REXO1: variants seen among roughly 807,000 people sequenced by gnomAD.
The protein encoded by REXO1 is RNA exonuclease 1 homolog, also known as REX1, RNA exonuclease 1 homolog.
In REXO1, 42 loss-of-function variants were observed where a neutral mutation model predicts 102.6. The observed-to-expected ratio is 0.41, with a 90% CI of 0.32 to 0.53. REXO1 has a LOEUF of 0.53. Among genes scored for constraint, REXO1 ranks in the 20% least tolerant of loss-of-function variants. The pLI is 0.27. For synonymous variants in REXO1, 908 were observed against 779.1 expected, an observed-to-expected ratio of 1.17 and a Z score of -2.76; for missense variants, 1,819 against 1,732.5, an observed-to-expected ratio of 1.05 and a Z score of -0.89.
At chr19:1,846,648 G>A (rs548931676) in intron 1 of REXO1, among the ~76,000 whole-genome samples, 4 of 152,324 alleles carry the variant, frequency 2.6e-5, no homozygotes, top group East Asian at 1.9e-4. Context: ...CAGCACTTTG[G>A]GAGGCCGAAG....
Position 1,819,943 on chromosome 19 carries a change from C to G in REXO1, c.2641G>C (p.Gly881Arg). 6 of 1,581,352 alleles carry G rather than the reference C, an allele frequency of 3.8e-6. No individual in the cohort carries two copies. The highest frequency in any genetic ancestry group is 5.1e-6 in the Non-Finnish European group (6 of 1,166,818). Residue 881 changes from glycine to arginine, a missense_variant, in exon 7 of 16, where the codon GGC becomes CGC. Coordinates refer to ENST00000170168, the MANE Select transcript of REXO1 (RefSeq NM_020695.4). ...LRGLAPSAVP[G>R]LSKTSGRRVV... ...ACCCGCCAGGACTCACTGCTGAGGC[C>G]GGGCACAGCGCTGGGGGCCAGGCCC... is the stretch of plus-strand genomic sequence containing the variant.
intron 11 of REXO1, 32 bp downstream of exon 11, chr19:1,817,675 C>T: frequency 6.2e-7 from 1 of 1,601,284 alleles, no homozygotes. Flanking sequence ...CTGTTGAGAA[C>T]AGGCAGAGGG....
rs888970869 is a variant in REXO1 at position 1,819,360 on chromosome 19, C to T, written c.2651-229G>A. Among the ~76,000 whole-genome samples the T allele has an allele frequency of 5.9e-5, 9 of 152,244 alleles. No homozygotes were observed. In the East Asian group the frequency reaches 7.7e-4, roughly 13 times the overall value. ...CAGCTCTGCAGGCCCCAGAGCTGCA[C>T]GGAGGCCCCACACCCAAAGTCTTCG... On this transcript the variant is annotated intron_variant, in intron 7 of 15. Coordinates refer to ENST00000170168, the MANE Select transcript of REXO1 (RefSeq NM_020695.4).
Position 1,818,666 on chromosome 19 carries a change from C to T in REXO1, c.2902+40G>A, listed in dbSNP as rs548591842. 183 of 1,609,024 alleles carry T rather than the reference C, an allele frequency of 1.1e-4. 1 individual carries two copies. The South Asian group carries it at 1.3e-3, about 11-fold the overall frequency. Reference sequence around the variant, plus strand: ...CGCATGCCCGGCCTTGCCCACATCCCGCACCTGCCCACCTAGGCCGTCGCA... The same window carrying T: ...CGCATGCCCGGCCTTGCCCACATCCTGCACCTGCCCACCTAGGCCGTCGCA... On this transcript the variant is annotated intron_variant, in intron 9 of 15. Transcript: ENST00000170168.
intron 1 of REXO1, among the ~76,000 whole-genome samples, chr19:1,833,978 C>G (rs2069972865): frequency 6.6e-6 from 1 of 152,164 alleles, no homozygotes; most frequent in African/African-American, 2.4e-5. Flanking sequence ...CGGGAAGGCT[C>G]TCCTCCCCAG....
Position 1,826,080 on chromosome 19 carries a change from AAC to A in REXO1, c.1912-139_1912-138del. On this transcript the variant is annotated intron_variant, in intron 2 of 15. Coordinates refer to ENST00000170168, the MANE Select transcript of REXO1 (RefSeq NM_020695.4). The surrounding 1 kb of genome is among the most constrained non-coding windows in gnomAD (Gnocchi z 4.3). ...GCACAGCAGCTGAGGGCTCAGGGCC[AAC>A]AGTCCCTGGGCTTTGTGTGGGTGCA... The A allele has an allele frequency of 1.5e-6, 1 of 648,378 alleles. No individual in the cohort carries two copies. Among genetic ancestry groups the A allele is most frequent in the Non-Finnish European group, 2.8e-6 (1 of 355,488 alleles). The allele number at this position is 648,378 out of a possible 1,614,324, so 40.2% of individuals were successfully genotyped here.
At chr19:1,820,870 C>T (rs1468121309) in intron 5 of REXO1, among the ~76,000 whole-genome samples, 1 of 151,786 alleles carries the variant, frequency 6.6e-6, no homozygotes, top group East Asian at 1.9e-4. Flanking sequence ...GTGATGACAC[C>T]GGCTTGTGGT....
chr19:1,841,961 A>G (rs1028834963), intron 1 of REXO1, among the ~76,000 whole-genome samples: 4 of 152,152 alleles, frequency 2.6e-5, no homozygotes, highest in African/African-American at 4.8e-5. Context: ...TTGTAATCCC[A>G]GCACTTTGGG....
rs948070530 is a variant in REXO1, at chr19:1,815,874, C to A, written c.*192G>T. 7.5e-7 allele frequency: 1 copy of A among 1,329,168 alleles called. No individual in the cohort carries two copies. The highest frequency in any genetic ancestry group is 1.3e-5 in the South Asian group (1 of 75,614). The allele number at this position is 1,329,168 out of a possible 1,614,324, so 82.3% of individuals were successfully genotyped here. On this transcript the variant is annotated 3_prime_UTR_variant, in exon 16 of 16. Transcript: ENST00000170168. This position sits in a 1 kb window ranked among gnomAD's most constrained non-coding sequence, Gnocchi z 4.0. ...CTGGGGGGCAGAGGGTGGGGACCGG[C>A]GGAGGGGTGCGGCAGGACGTGAGCG...
chr19:1,833,324 G>T (rs890099103), intron 1 of REXO1, among the ~76,000 whole-genome samples: 2 of 152,218 alleles, frequency 1.3e-5, no homozygotes, highest in Admixed American at 6.5e-5. Context: ...AGGGCCACGA[G>T]GTACGGGCAG....
At chr19:1,841,593 A>G (rs537512195) in intron 1 of REXO1, among the ~76,000 whole-genome samples, 4 of 152,344 alleles carry the variant, frequency 2.6e-5, no homozygotes, top group African/African-American at 7.2e-5. Context: ...TCTGCCCCAC[A>G]GAAAGCCAAG....
At chr19:1,839,395 C>A (rs2011198659) in intron 1 of REXO1, among the ~76,000 whole-genome samples, 1 of 152,254 alleles carries the variant, frequency 6.6e-6, no homozygotes, top group Non-Finnish European at 1.5e-5. Context: ...CATCCAGGAG[C>A]CCTGCAGCCT....
chr19:1,839,304 CCTTTT>C (rs1225534674), intron 1 of REXO1, among the ~76,000 whole-genome samples: 1 of 151,612 alleles, frequency 6.6e-6, no homozygotes, highest in Non-Finnish European at 1.5e-5. Flanking sequence ...CATCCCAGGG[CCTTTT>C]CTGTCCCCAA....
Position 1,828,297 on chromosome 19 carries a change from G to T in REXO1, c.492C>A (p.Gly164=). 1 of 1,607,600 alleles carries T rather than the reference G, an allele frequency of 6.2e-7. No homozygotes were observed. Among genetic ancestry groups the T allele is most frequent in the African/African-American group, 1.3e-5 (1 of 74,906 alleles). Residue 164 remains glycine, a synonymous_variant, in exon 2 of 16, where the codon GGC becomes GGA. Transcript: ENST00000170168. The part of the protein sequence containing the change: ...GSHGLLSPDA[G]YQPTPLAAPA... ...GGGCGGCCAGTGGGGTGGGCTGGTA[G>T]CCGGCATCAGGGCTTAATAGGCCGT... is the stretch of plus-strand genomic sequence containing the variant.
chr19:1,819,593 G>A (rs536825652), intron 7 of REXO1, among the ~76,000 whole-genome samples: 3 of 152,198 alleles, frequency 2.0e-5, no homozygotes, highest in African/African-American at 4.8e-5. Context: ...CCAGGTCTCC[G>A]CTTTCTTCCT....
intron 3 of REXO1, 49 bp downstream of exon 3, chr19:1,825,787 TAAA>T (rs59277540): frequency 4.2e-3 from 4,101 of 987,264 alleles, no homozygotes; most frequent in East Asian, 5.4e-3. Context: ...ACCTCGTCTT[TAAA>T]AAAAAAAAAA....
Position 1,819,035 on chromosome 19 carries a change from CG to C in REXO1, c.2746del (p.Arg916GlyfsTer5). 5 of 1,601,374 alleles carry C rather than the reference CG, an allele frequency of 3.1e-6. No individual in the cohort carries two copies. The highest frequency in any genetic ancestry group is 4.3e-6 in the Non-Finnish European group (5 of 1,173,304). Reference sequence around the variant, plus strand: ...GGCCTTACCTTTCAGGTCCTCCACCCGGGGGCTGCTTGGACGGCTGAGCGAG... The same window carrying C: ...GGCCTTACCTTTCAGGTCCTCCACCCGGGGCTGCTTGGACGGCTGAGCGAG... ...SFSLSRPSSP[R>X]VEDLKGAALY... On this transcript the variant is annotated frameshift_variant, in exon 8 of 16. Coordinates refer to ENST00000170168, the MANE Select transcript of REXO1 (RefSeq NM_020695.4). LOFTEE classifies it high-confidence loss of function.
Position 1,815,984 on chromosome 19 carries a change from G to A in REXO1, c.*82C>T. The stretch of plus-strand genomic sequence containing the variant: ...TCGGCCAGGTGGACGGGTTACCGGA[G>A]ATTTATTGCACTGTTTTGGAAGAGG... On this transcript the variant is annotated 3_prime_UTR_variant, in exon 16 of 16. Coordinates refer to ENST00000170168, the MANE Select transcript of REXO1 (RefSeq NM_020695.4). The surrounding 1 kb of genome is among the most constrained non-coding windows in gnomAD (Gnocchi z 4.0). 3 of 1,536,186 alleles carry A rather than the reference G, an allele frequency of 2.0e-6. No individual in the cohort carries two copies. Among genetic ancestry groups the A allele is most frequent in the Non-Finnish European group, 2.6e-6 (3 of 1,146,740 alleles).
chr19:1,838,227 G>T (rs549706483), intron 1 of REXO1, among the ~76,000 whole-genome samples: 1 of 151,074 alleles, frequency 6.6e-6, no homozygotes, highest in Non-Finnish European at 1.5e-5. Flanking sequence ...TGAGGCAGGA[G>T]AATTGCTTGA....
Sources: allele counts gnomAD v4.1 joint callset (sites outside exome capture counted in the v4.1 genomes callset), GRCh38; gene constraint gnomAD v4.1.1; non-coding constraint Gnocchi (gnomAD v3.1); transcripts MANE v1.5; gene names NCBI Gene and HGNC (gene_info 2026-07-23, HGNC 2026-07-21).